The following LTBP1 variants were observed in gnomAD, a reference collection of about 807,000 sequenced individuals.
LTBP1 encodes latent-transforming growth factor beta-binding protein 1.
Under a neutral mutation model 207.6 loss-of-function variants are expected in LTBP1, and 129 were observed. The observed-to-expected ratio is 0.62, with a 90% confidence interval of 0.54 to 0.72. LTBP1 has a LOEUF of 0.72. Ranked by LOEUF, LTBP1 falls within the 30% of genes least tolerant of loss-of-function variation. The probability of loss-of-function intolerance (pLI) is 0.00; values close to 1 mark genes in which losing one functional copy is unlikely to be tolerated. For synonymous variants in LTBP1, 963 were observed against 833.7 expected, an observed-to-expected ratio of 1.16 and a Z score of -2.67; for missense variants, 2,281 against 2,217.2, an observed-to-expected ratio of 1.03 and a Z score of -0.58.
intron 2 of LTBP1, among the ~76,000 whole-genome samples, chr2:33,016,780 T>C (rs947045440): frequency 6.6e-6 from 1 of 152,178 alleles, no homozygotes; most frequent in African/African-American, 2.4e-5. Context: ...CCTAGCACTT[T>C]GGGAGGCTGA....
At chr2:33,155,413 A>G (rs915801629) in intron 5 of LTBP1, among the ~76,000 whole-genome samples, 10 of 152,104 alleles carry the variant, frequency 6.6e-5, no homozygotes, top group Admixed American at 2.0e-4. Flanking sequence ...TCTCTGATAG[A>G]TTGGAGTTTA....
chr2:33,110,589 C>A lies in LTBP1; in HGVS notation c.871C>A (p.Pro291Thr). Residue 291 changes from proline to threonine, a missense_variant, in exon 4 of 34, where the codon CCT (proline) becomes ACT (threonine). By Grantham distance (38) the Pro-to-Thr change is conservative. Around this residue, in one of 3 missense-constraint regions of LTBP1, gnomAD observed 555 missense variants for 491.0 expected, o/e 1.13. Transcript: ENST00000404816. ...LPQQIHSQVT[P>T]LSSQSVVIHH... ...TATTTTGTTTCTTCCCAGAGTGACT[C>A]CTCTTTCTTCCCAGAGTGTGGTGAT... is the stretch of plus-strand genomic sequence containing the variant. 1 of 1,612,892 alleles carries A rather than the reference C, an allele frequency of 6.2e-7. No homozygotes were observed. The highest frequency in any genetic ancestry group is 1.1e-5 in the South Asian group (1 of 90,784).
chr2:33,330,127 A>G, intron 24 of LTBP1, among the ~76,000 whole-genome samples: 1 of 152,190 alleles, frequency 6.6e-6, no homozygotes, highest in East Asian at 1.9e-4. Context: ...CAAGATTTGC[A>G]TGTGGTTGTG....
At chr2:33,124,726 A>G (rs2081337497) in intron 4 of LTBP1, among the ~76,000 whole-genome samples, 1 of 152,242 alleles carries the variant, frequency 6.6e-6, no homozygotes, top group East Asian at 1.9e-4. Context: ...TCCAGTTAAA[A>G]CTGACCATGT....
chr2:33,101,279 T>C (rs978994871), intron 3 of LTBP1, among the ~76,000 whole-genome samples: 1 of 152,226 alleles, frequency 6.6e-6, no homozygotes, highest in African/African-American at 2.4e-5. Context: ...TTATATTTAA[T>C]GAAACTTTAG....
intron 2 of LTBP1, among the ~76,000 whole-genome samples, chr2:32,969,267 GTGTGTTT>G (rs1430874297): frequency 6.8e-6 from 1 of 147,532 alleles, no homozygotes; most frequent in Non-Finnish European, 1.5e-5. Context: ...GTGTGTGTGT[GTGTGTTT>G]TAATTTAAAA....
chr2:33,045,703 C>T (rs1479938632), intron 3 of LTBP1, among the ~76,000 whole-genome samples: 1 of 152,136 alleles, frequency 6.6e-6, no homozygotes, highest in Non-Finnish European at 1.5e-5. Flanking sequence ...TTACTTTGGG[C>T]AGTATGGCCA....
At chr2:33,332,306 G>A (rs1291196273) in intron 24 of LTBP1, among the ~76,000 whole-genome samples, 1 of 148,076 alleles carries the variant, frequency 6.8e-6, no homozygotes, top group Non-Finnish European at 1.5e-5. Flanking sequence ...GCTGAGGTGG[G>A]AGGATCATTT....
intron 2 of LTBP1, among the ~76,000 whole-genome samples, chr2:33,015,778 C>CG (rs1306057717): frequency 6.6e-6 from 1 of 152,108 alleles, no homozygotes; most frequent in African/African-American, 2.4e-5. Context: ...GGGGAGGCCT[C>CG]GGGAAACTTC....
intron 8 of LTBP1, among the ~76,000 whole-genome samples, chr2:33,220,418 C>T (rs1433697381): frequency 6.6e-6 from 1 of 152,148 alleles, no homozygotes; most frequent in African/African-American, 2.4e-5. Context: ...TAGCCACATA[C>T]AGAAAGACCT....
At chr2:33,364,760 C>T (rs535723961) in intron 30 of LTBP1, among the ~76,000 whole-genome samples, 3 of 152,128 alleles carry the variant, frequency 2.0e-5, no homozygotes, top group East Asian at 1.9e-4. Context: ...TGGAGAGCCC[C>T]GAAGTCCACT....
chr2:33,078,862 C>CTTTTTTTTTTTTTTTTTTTTTTTTTTTT (rs34843933), intron 3 of LTBP1, among the ~76,000 whole-genome samples: 1 of 106,888 alleles, frequency 9.4e-6, no homozygotes, highest in African/African-American at 3.2e-5. Flanking sequence ...CTTTTCTTTT[C>CTTTTTTTTTTTTTTTTTTTTTTTTTTTT]TTTTTTTTTT....
At chr2:33,157,725 T>A (rs1558723433) in intron 5 of LTBP1, among the ~76,000 whole-genome samples, 1 of 152,156 alleles carries the variant, frequency 6.6e-6, no homozygotes, top group South Asian at 2.1e-4. Flanking sequence ...ACGAGGAGCA[T>A]CAGAGAGAGA....
chr2:32,998,571 G>T (rs1339835596), intron 2 of LTBP1, among the ~76,000 whole-genome samples: 1 of 132,644 alleles, frequency 7.5e-6, no homozygotes, highest in Non-Finnish European at 1.6e-5. Flanking sequence ...GAATGTTTGT[G>T]TTGCAAAAAA....
chr2:33,259,850 A>G (rs546342992), intron 13 of LTBP1, among the ~76,000 whole-genome samples: 1 of 152,186 alleles, frequency 6.6e-6, no homozygotes, highest in Non-Finnish European at 1.5e-5. Flanking sequence ...CTCTACTTTC[A>G]TGAAGCTTCA....
Position 32,947,310 on chromosome 2 carries a change from C to T in LTBP1, c.-15C>T. ...CCGGACCGCGCGCGACCGGTCGCGC[C>T]CGCTGGGGCCCGCGATGGCGGGGGC... is the stretch of plus-strand genomic sequence containing the variant. On this transcript the variant is annotated 5_prime_UTR_variant, in exon 1 of 34. Coordinates refer to ENST00000404816, the MANE Select transcript of LTBP1 (RefSeq NM_206943.4). 1.6e-6 allele frequency: 2 copies of T among 1,228,378 alleles called. No individual in the cohort carries two copies. The highest frequency in any genetic ancestry group is 3.3e-5 in the East Asian group (1 of 30,186). The allele number at this position is 1,228,378 out of a possible 1,614,324, so 76.1% of individuals were successfully genotyped here. A position where few individuals can be genotyped will look rare whatever the true frequency, so the allele number is the denominator to read the frequency against.
At chr2:33,356,816 G>A (rs1368577697) in intron 26 of LTBP1, among the ~76,000 whole-genome samples, 1 of 152,136 alleles carries the variant, frequency 6.6e-6, no homozygotes. Flanking sequence ...AATAAAAAAG[G>A]AAATAAAGTG....
chr2:33,148,439 G>A (rs1233416152), intron 5 of LTBP1, among the ~76,000 whole-genome samples: 2 of 152,182 alleles, frequency 1.3e-5, no homozygotes. Context: ...TGATACTTGA[G>A]AGTACTTTGA....
At chr2:33,397,995 G>A (rs1210789271) in intron 33 of LTBP1, among the ~76,000 whole-genome samples, 2 of 152,128 alleles carry the variant, frequency 1.3e-5, no homozygotes, top group Non-Finnish European at 2.9e-5. Flanking sequence ...CTTTAGACAG[G>A]CTGTATGGAG....
Sources: gnomAD v4.1 joint callset for allele counts (sites outside exome capture counted in the v4.1 genomes callset) on GRCh38, gnomAD v4.1.1 for gene constraint, gnomAD v4.1.1 regional missense constraint, MANE v1.5 for transcripts, NCBI Gene and HGNC (gene_info 2026-07-23, HGNC 2026-07-21) for gene names.